The following TRIM44 variants were observed in gnomAD, a reference collection of about 807,000 sequenced individuals.
TRIM44 encodes the protein tripartite motif-containing protein 44.
In TRIM44, 13 loss-of-function variants were observed where a neutral mutation model predicts 37.4. The ratio of observed to expected loss-of-function variants is 0.35; its 90% confidence interval spans 0.23 to 0.55. The LOEUF is 0.55. Ranked by LOEUF, TRIM44 falls within the 20% of genes least tolerant of loss-of-function variation. The pLI is 0.89. For missense variants in TRIM44, 426 were observed against 437.2 expected, an observed-to-expected ratio of 0.97 and a Z score of 0.23; for synonymous variants, 175 against 157.2, an observed-to-expected ratio of 1.11 and a Z score of -0.85.
intron 2 of TRIM44, among the ~76,000 whole-genome samples, chr11:35,700,939 A>G (rs551849908): frequency 1.3e-5 from 2 of 152,372 alleles, no homozygotes; most frequent in South Asian, 4.1e-4. Flanking sequence ...GCTGTTTTAT[A>G]TAAACATTAC....
At chr11:35,775,851 G>GTGC (rs1565018139) in intron 4 of TRIM44, among the ~76,000 whole-genome samples, 3 of 152,194 alleles carry the variant, frequency 2.0e-5, no homozygotes, top group Admixed American at 1.3e-4. Flanking sequence ...GCTTTTTGAT[G>GTGC]TGCTGCTGGA....
intron 4 of TRIM44, among the ~76,000 whole-genome samples, chr11:35,759,194 G>C (rs527301620): frequency 1.3e-5 from 2 of 152,090 alleles, no homozygotes; most frequent in South Asian, 2.1e-4. Flanking sequence ...AGGCTTTGTT[G>C]GTTTCTTTTT....
At chr11:35,708,292 A>T (rs1248088105) in intron 2 of TRIM44, among the ~76,000 whole-genome samples, 135 of 152,038 alleles carry the variant, frequency 8.9e-4, no homozygotes, top group African/African-American at 3.2e-3. Flanking sequence ...AAATAGGAAC[A>T]CTTTTACAGT....
chr11:35,671,463 CTT>C (rs1851393018), intron 1 of TRIM44, among the ~76,000 whole-genome samples: 1 of 152,118 alleles, frequency 6.6e-6, no homozygotes, highest in Non-Finnish European at 1.5e-5. Flanking sequence ...AATGTTAGCT[CTT>C]CTTTTTATTA....
At chr11:35,749,101 G>A (rs1204324376) in intron 4 of TRIM44, among the ~76,000 whole-genome samples, 1 of 152,188 alleles carries the variant, frequency 6.6e-6, no homozygotes, top group Non-Finnish European at 1.5e-5. Context: ...GTCTCAGTTG[G>A]AGGAGAAACA....
intron 4 of TRIM44, among the ~76,000 whole-genome samples, chr11:35,766,097 C>T (rs1852795694): frequency 6.6e-6 from 1 of 152,198 alleles, no homozygotes; most frequent in Non-Finnish European, 1.5e-5. Flanking sequence ...TTGCATCACT[C>T]TCTACCTTCC....
In TRIM44 at chr11:35,667,256, A is replaced by G. The variant is rs1388264965; in HGVS notation, c.669+3476A>G. ...GATTTTCTCTTTCACTTTTATGATG[A>G]TGAATTACATTAATTGATTTACTTA... On this transcript the variant is annotated intron_variant, in intron 1 of 4. Transcript: ENST00000299413. Among the ~76,000 whole-genome samples, 5 of 152,286 alleles carry G rather than the reference A, an allele frequency of 3.3e-5. No homozygotes were observed. The South Asian group carries it at 6.2e-4, about 19-fold the overall frequency.
intron 1 of TRIM44, among the ~76,000 whole-genome samples, chr11:35,666,354 A>C (rs1851332228): frequency 6.6e-6 from 1 of 152,168 alleles, no homozygotes; most frequent in African/African-American, 2.4e-5. Context: ...GTCCTACAAG[A>C]GTGTGTTGGC....
chr11:35,746,418 A>G (rs1350021862), intron 4 of TRIM44, among the ~76,000 whole-genome samples: 2 of 87,674 alleles, frequency 2.3e-5, no homozygotes, highest in Non-Finnish European at 4.8e-5. Context: ...CAGTAATTCT[A>G]TTTTCCCAGC....
At chr11:35,710,506 A>G (rs1013636332) in intron 2 of TRIM44, among the ~76,000 whole-genome samples, 1 of 152,222 alleles carries the variant, frequency 6.6e-6, no homozygotes, top group African/African-American at 2.4e-5. Context: ...AAGGGAAGAT[A>G]AGTAAATCCC....
chr11:35,733,742 G>C (rs1294886725), intron 3 of TRIM44, among the ~76,000 whole-genome samples: 1 of 152,016 alleles, frequency 6.6e-6, no homozygotes, highest in African/African-American at 2.4e-5. Flanking sequence ...CTTTACCTCA[G>C]TCACGCTCAA....
At chr11:35,789,883 AGATTTCTATTGAAATCTATC>A (rs1853182639) in intron 4 of TRIM44, among the ~76,000 whole-genome samples, 1 of 151,172 alleles carries the variant, frequency 6.6e-6, no homozygotes. Flanking sequence ...TAAATACGAT[AGATTTCTATTGAAATCTATC>A]GTGAATACAT....
intron 4 of TRIM44, among the ~76,000 whole-genome samples, chr11:35,790,282 C>A (rs1163121823): frequency 6.6e-6 from 1 of 152,140 alleles, no homozygotes; most frequent in Non-Finnish European, 1.5e-5. Flanking sequence ...CTGTAAGGAA[C>A]CTTCTAAGTG....
chr11:35,705,281 G>A (rs1320982858), intron 2 of TRIM44, among the ~76,000 whole-genome samples: 5 of 151,988 alleles, frequency 3.3e-5, no homozygotes, highest in Non-Finnish European at 5.9e-5. Flanking sequence ...AGTGATCTAC[G>A]AAGAGACTTA....
intron 3 of TRIM44, among the ~76,000 whole-genome samples, chr11:35,727,321 C>T (rs1852189917): frequency 6.6e-6 from 1 of 152,152 alleles, no homozygotes; most frequent in African/African-American, 2.4e-5. Flanking sequence ...CTTTCTAGGA[C>T]TGTTGCTGAC....
chr11:35,687,821 A>T (rs1446466320), intron 2 of TRIM44, among the ~76,000 whole-genome samples: 2 of 152,152 alleles, frequency 1.3e-5, no homozygotes, highest in African/African-American at 4.8e-5. Flanking sequence ...GTGTGTGTGT[A>T]TACCTGCACC....
intron 2 of TRIM44, among the ~76,000 whole-genome samples, chr11:35,697,788 AT>A (rs1175947078): frequency 2.7e-5 from 4 of 150,258 alleles, no homozygotes; most frequent in African/African-American, 7.4e-5. Context: ...TGAACTCATC[AT>A]TTTTTATGGC....
intron 4 of TRIM44, among the ~76,000 whole-genome samples, chr11:35,764,487 A>G (rs1852767331): frequency 6.6e-6 from 1 of 152,160 alleles, no homozygotes; most frequent in Non-Finnish European, 1.5e-5. Flanking sequence ...ACTGTACTTT[A>G]TTAGTTGGGT....
At chr11:35,732,663 G>A (rs186567272) in intron 3 of TRIM44, among the ~76,000 whole-genome samples, 1 of 152,266 alleles carries the variant, frequency 6.6e-6, no homozygotes, top group Admixed American at 6.5e-5. Flanking sequence ...GTGGGAGAAA[G>A]GAGGAGGATT....
Sources: gnomAD v4.1 joint callset for allele counts (sites outside exome capture counted in the v4.1 genomes callset) on GRCh38, gnomAD v4.1.1 for gene constraint, MANE v1.5 for transcripts, NCBI Gene and HGNC (gene_info 2026-07-23, HGNC 2026-07-21) for gene names.